The following FAM185A variants were observed in gnomAD, a reference collection of about 807,000 sequenced individuals.
The protein encoded by FAM185A is protein FAM185A.
FAM185A carries 21 observed loss-of-function variants against 45.7 expected under a neutral mutation model. The observed-to-expected ratio is 0.46, with a 90% confidence interval of 0.33 to 0.66. The LOEUF (loss-of-function observed/expected upper bound fraction) is 0.66. Ranked by LOEUF, FAM185A falls within the 30% of genes least tolerant of loss-of-function variation. FAM185A has a pLI of 0.03. For missense variants in FAM185A, 305 were observed against 485.4 expected, an observed-to-expected ratio of 0.63 and a Z score of 3.49; for synonymous variants, 117 against 194.0, an observed-to-expected ratio of 0.60 and a Z score of 3.30.
At chr7:102,766,254 T>C (rs138535751) in intron 4 of FAM185A, among the ~76,000 whole-genome samples, 4,542 of 142,508 alleles carry the variant, frequency 0.032, no homozygotes, top group East Asian at 0.1. Context: ...TGAATAAAAC[T>C]CTATTTTAAA....
At chr7:102,834,879 TG>T in the FAM185A span, among the ~76,000 whole-genome samples, 10 of 8,230 alleles carry the variant, frequency 1.2e-3, no homozygotes, top group Middle Eastern at 0.088. Context: ...CATTCCACAA[TG>T]TGTGTGTGTG....
chr7:102,800,528 G>T (rs558555659), intron 7 of FAM185A, among the ~76,000 whole-genome samples: 1 of 152,090 alleles, frequency 6.6e-6, no homozygotes, highest in Non-Finnish European at 1.5e-5. Context: ...AATATTCAAT[G>T]AAATAGATAG....
chr7:102,772,395 T>C lies in FAM185A; in HGVS notation c.794-14T>C, dbSNP rs1003683999. 11 of 1,530,006 alleles carry C rather than the reference T, an allele frequency of 7.2e-6. No homozygotes were observed. The Admixed American group carries it at 2.3e-4, about 32-fold the overall frequency. 94.8% of individuals were successfully genotyped at this position (1,530,006 alleles called of 1,614,324 possible). A position where few individuals can be genotyped will look rare whatever the true frequency, so the allele number is the denominator to read the frequency against. ...TGTCTCTAGTACATAAAAGTATCTT[T>C]TTCTTTTTGGCAGGTAATATAACAT... On this transcript the variant is annotated splice_polypyrimidine_tract_variant and intron_variant, in intron 4 of 7. Coordinates refer to ENST00000413034, the MANE Select transcript of FAM185A (RefSeq NM_001145268.2).
the FAM185A span, among the ~76,000 whole-genome samples, chr7:102,848,246 G>C: frequency 2.0e-5 from 3 of 152,098 alleles, no homozygotes; most frequent in Non-Finnish European, 4.4e-5. Context: ...TTCATTTAGA[G>C]ATAATCTGCA....
At chr7:102,754,444 G>T (rs571234274) in intron 2 of FAM185A, among the ~76,000 whole-genome samples, 1 of 152,384 alleles carries the variant, frequency 6.6e-6, no homozygotes, top group Admixed American at 6.5e-5. Flanking sequence ...GCCTCCCAAA[G>T]TTCTGGGATT....
intron 6 of FAM185A, among the ~76,000 whole-genome samples, chr7:102,782,030 C>T (rs567289766): frequency 1.1e-4 from 16 of 152,102 alleles, no homozygotes; most frequent in Admixed American, 3.3e-4. Flanking sequence ...GTAGCTGATT[C>T]GATCAACTGG....
the FAM185A span, among the ~76,000 whole-genome samples, chr7:102,847,190 C>A: frequency 6.6e-6 from 1 of 151,692 alleles, no homozygotes; most frequent in Non-Finnish European, 1.5e-5. Flanking sequence ...ACTACCTGAC[C>A]CTTCAAAACT....
chr7:102,822,350 G>T, the FAM185A span: 2 of 807,760 alleles, frequency 2.5e-6, no homozygotes, highest in Non-Finnish European at 4.2e-6. Flanking sequence ...CTAGAGGCTG[G>T]GAAGTCCAAG....
At chr7:102,822,261 G>A in the FAM185A span, 2 of 1,537,438 alleles carry the variant, frequency 1.3e-6, no homozygotes, top group Non-Finnish European at 1.8e-6. Context: ...GGGAAGAACA[G>A]TGCCTTAGTC....
the FAM185A span, among the ~76,000 whole-genome samples, chr7:102,841,545 G>C: frequency 2.0e-5 from 3 of 152,240 alleles, no homozygotes; most frequent in Non-Finnish European, 4.4e-5. Flanking sequence ...AGAAAACACA[G>C]TACCCATGAC....
At chr7:102,829,058 G>C in the FAM185A span, among the ~76,000 whole-genome samples, 1 of 152,200 alleles carries the variant, frequency 6.6e-6, no homozygotes, top group African/African-American at 2.4e-5. Flanking sequence ...CCTAGAAACA[G>C]GACATCTTTC....
At chr7:102,848,898 G>C in the FAM185A span, among the ~76,000 whole-genome samples, 2,136 of 152,244 alleles carry the variant, frequency 0.014, 118 homozygotes, top group East Asian at 0.16. Flanking sequence ...TACTCGGGAG[G>C]CTGAGGCAGG....
the FAM185A span, chr7:102,822,335 C>T: frequency 7.3e-4 from 642 of 876,470 alleles, 2 homozygotes; most frequent in Middle Eastern, 2.8e-3. Context: ...TTATTTCTCA[C>T]AGTTCTAGAG....
At chr7:102,841,446 G>A in the FAM185A span, among the ~76,000 whole-genome samples, 1 of 152,184 alleles carries the variant, frequency 6.6e-6, no homozygotes, top group African/African-American at 2.4e-5. Context: ...CAGTGCTTCA[G>A]TTGTCTGAGA....
At chr7:102,785,465 C>A (rs1368033556) in intron 6 of FAM185A, among the ~76,000 whole-genome samples, 2 of 152,042 alleles carry the variant, frequency 1.3e-5, no homozygotes, top group Non-Finnish European at 2.9e-5. Context: ...CAGCATGGTA[C>A]TGGTACCAAA....
At chr7:102,837,974 C>T in the FAM185A span, among the ~76,000 whole-genome samples, 2 of 152,196 alleles carry the variant, frequency 1.3e-5, no homozygotes, top group Non-Finnish European at 2.9e-5. Context: ...AGAATTAGTT[C>T]AAGATGAGAG....
At chr7:102,770,867 A>C (rs1442222229) in intron 4 of FAM185A, among the ~76,000 whole-genome samples, 1 of 152,216 alleles carries the variant, frequency 6.6e-6, no homozygotes, top group African/African-American at 2.4e-5. Flanking sequence ...ATATATACAC[A>C]AAAGAAAATA....
At chr7:102,823,265 CAT>C in the FAM185A span, among the ~76,000 whole-genome samples, 4 of 152,154 alleles carry the variant, frequency 2.6e-5, no homozygotes, top group African/African-American at 9.7e-5. Flanking sequence ...AATTTAAAAA[CAT>C]ATGTTTAATA....
chr7:102,772,381 C>T lies in FAM185A; in HGVS notation c.794-28C>T, dbSNP rs1270282262. The T allele has an allele frequency of 1.2e-5, 18 of 1,469,580 alleles. No individual in the cohort carries two copies. The South Asian group carries it at 2.0e-4, about 17-fold the overall frequency. 91.0% of individuals were successfully genotyped at this position (1,469,580 alleles called of 1,614,324 possible). ...GTTCCTTTCTAGATTGTCTCTAGTACATAAAAGTATCTTTTTCTTTTTGGC... is the reference window on the plus strand; with the variant it reads ...GTTCCTTTCTAGATTGTCTCTAGTATATAAAAGTATCTTTTTCTTTTTGGC... On this transcript the variant is annotated intron_variant, in intron 4 of 7. Transcript: ENST00000413034.
Sources: gnomAD v4.1 joint callset for allele counts (sites outside exome capture counted in the v4.1 genomes callset) on GRCh38, gnomAD v4.1.1 for gene constraint, MANE v1.5 for transcripts, NCBI Gene and HGNC (gene_info 2026-07-23, HGNC 2026-07-21) for gene names.